Variants in APTX observed in about 807,000 individuals in gnomAD.
APTX encodes the protein forkhead-associated domain histidine triad-like protein.
APTX carries 33 observed loss-of-function variants against 42.3 expected under a neutral mutation model. The ratio of observed to expected loss-of-function variants is 0.78; its 90% confidence interval spans 0.59 to 1.04. The LOEUF (loss-of-function observed/expected upper bound fraction) is 1.04. APTX is among the 50% of genes least tolerant of loss of function. APTX has a pLI of 0.00. For missense variants in APTX, 421 were observed against 415.1 expected, an observed-to-expected ratio of 1.01 and a Z score of -0.12; for synonymous variants, 130 against 146.7, an observed-to-expected ratio of 0.89 and a Z score of 0.82.
At chr9:32,981,186 G>T (rs145795830) in intron 6 of APTX, among the ~76,000 whole-genome samples, 1 of 152,148 alleles carries the variant, frequency 6.6e-6, no homozygotes. Flanking sequence ...TCTCACAGGG[G>T]TATGGGTTAG....
At chr9:33,011,633 G>A (rs1837551197) in intron 1 of APTX, among the ~76,000 whole-genome samples, 1 of 152,146 alleles carries the variant, frequency 6.6e-6, no homozygotes, top group Non-Finnish European at 1.5e-5. Context: ...TATGGCACCA[G>A]AATCTTAAAG....
At chr9:33,017,109 A>C (rs1171273802) in intron 1 of APTX, among the ~76,000 whole-genome samples, 1 of 152,228 alleles carries the variant, frequency 6.6e-6, no homozygotes, top group Non-Finnish European at 1.5e-5. Flanking sequence ...TTCTCTGCAG[A>C]TACCAACTGG....
rs1397608448 is a variant in APTX at position 33,001,568 on chromosome 9, T to G, written c.-6A>C. On this transcript the variant is annotated splice_region_variant and 5_prime_UTR_variant, in exon 1 of 8. Coordinates refer to ENST00000379817, the MANE Select transcript of APTX (RefSeq NM_001195248.2). ...GAGATAGGCTGACGACCGCCTTACC[T>G]CCAGAAGTCGGAGACGGACAAATTC... 1.9e-6 allele frequency: 3 copies of G among 1,613,724 alleles called. No homozygotes were observed. Among genetic ancestry groups the G allele is most frequent in the Non-Finnish European group, 2.5e-6 (3 of 1,180,014 alleles).
intron 6 of APTX, among the ~76,000 whole-genome samples, chr9:32,977,198 A>G (rs1369603891): frequency 6.6e-6 from 1 of 152,236 alleles, no homozygotes; most frequent in Non-Finnish European, 1.5e-5. Context: ...ATCAATTTAT[A>G]AAAATGACCC....
intron 1 of APTX, among the ~76,000 whole-genome samples, chr9:33,017,278 T>G (rs1336912525): frequency 6.6e-6 from 1 of 152,166 alleles, no homozygotes; most frequent in Non-Finnish European, 1.5e-5. Context: ...TGAATCGGGG[T>G]GTCTTCATCT....
chr9:33,014,769 A>G (rs1489138026), intron 1 of APTX, among the ~76,000 whole-genome samples: 1 of 152,224 alleles, frequency 6.6e-6, no homozygotes, highest in Non-Finnish European at 1.5e-5. Context: ...GTAGCTCAGC[A>G]AATTGCCCTT....
intron 2 of APTX, among the ~76,000 whole-genome samples, chr9:32,988,684 AG>A (rs1193052109): frequency 0.015 from 196 of 13,180 alleles, 4 homozygotes; most frequent in Non-Finnish European, 0.038. Context: ...CTATCTCAGG[AG>A]GAAAAAAAAA....
chr9:33,007,694 G>A lies in APTX; in HGVS notation c.-5+17329C>T, dbSNP rs562441275. Among the ~76,000 whole-genome samples, 5 of 151,988 alleles carry A rather than the reference G, an allele frequency of 3.3e-5. No individual in the cohort carries two copies. In the East Asian group the frequency reaches 9.6e-4, roughly 29 times the overall value. On this transcript the variant is annotated intron_variant, in intron 1 of 6. Coordinates refer to the APTX transcript ENST00000436040. ...AAAAACTTCTTACTGCAAGAACTGCGACATTGCCTTCTCTGACCATATACA... is the reference window on the plus strand; with the variant it reads ...AAAAACTTCTTACTGCAAGAACTGCAACATTGCCTTCTCTGACCATATACA...
intron 6 of APTX, among the ~76,000 whole-genome samples, chr9:32,976,113 T>C (rs1829331356): frequency 6.6e-6 from 1 of 150,754 alleles, no homozygotes; most frequent in Non-Finnish European, 1.5e-5. Flanking sequence ...CTACTTGCTA[T>C]AAACTATCAC....
chr9:32,974,518 A>G lies in APTX; in HGVS notation c.814T>C (p.Cys272Arg), dbSNP rs144893610. The change falls in exon 7 of 8, where the codon TGC becomes CGC. Residue 272 changes from cysteine to arginine, a missense_variant. Transcript: ENST00000379817. ...HVISQDFDSP[C>R]LKNKKHWNSF... ...TTCCAATGTTTTTTGTTTTTAAGGC[A>G]AGGAGAATCAAAATCCTGGCTGATC... The G allele has an allele frequency of 1.1e-5, 18 of 1,612,436 alleles. No homozygotes were observed. Among genetic ancestry groups the G allele is most frequent in the Non-Finnish European group, 1.4e-5 (17 of 1,179,518 alleles).
intron 1 of APTX, among the ~76,000 whole-genome samples, chr9:32,996,034 A>T (rs1471819833): frequency 6.6e-6 from 1 of 152,146 alleles, no homozygotes; most frequent in African/African-American, 2.4e-5. Context: ...GGTGACTATT[A>T]GCAATTTTTA....
chr9:33,004,987 G>A (rs1837035393), upstream of APTX, among the ~76,000 whole-genome samples: 1 of 151,964 alleles, frequency 6.6e-6, no homozygotes, highest in South Asian at 2.1e-4. Context: ...GTGTGAAATG[G>A]TATCTCATTG....
chr9:33,013,736 G>A (rs1272306557), intron 1 of APTX, among the ~76,000 whole-genome samples: 4 of 152,168 alleles, frequency 2.6e-5, no homozygotes, highest in African/African-American at 4.8e-5. Context: ...CCCGGGAGGC[G>A]GAGCTTGCAG....
chr9:32,985,092 G>C (rs1048096663), intron 5 of APTX, among the ~76,000 whole-genome samples: 2 of 152,188 alleles, frequency 1.3e-5, no homozygotes, highest in South Asian at 4.1e-4. Flanking sequence ...TCCAGAGTCT[G>C]TTTTCAACCA....
At chr9:32,979,150 A>G (rs1184933110) in intron 6 of APTX, among the ~76,000 whole-genome samples, 1 of 152,084 alleles carries the variant, frequency 6.6e-6, no homozygotes, top group African/African-American at 2.4e-5. Flanking sequence ...GGTAATAAGC[A>G]TAGTACCCCA....
At position 32,987,657 on chromosome 9, in the gene APTX, T is replaced by C. The variant is rs143309173; in HGVS notation, c.370A>G (p.Ile124Val). The C allele has an allele frequency of 1.1e-5, 17 of 1,614,096 alleles. No individual in the cohort carries two copies. Among genetic ancestry groups the C allele is most frequent in the African/African-American group, 4.0e-5 (3 of 74,934 alleles). Reference protein sequence around the residue: ...KRKRSGNSDSIERDAAQEAEA... With the variant: ...KRKRSGNSDSVERDAAQEAEA... ...GCTTCCTGAGCAGCATCCCTTTCTA[T>C]AGAATCACTGTTGCCTGATCTCTTT... Residue 124 changes from isoleucine to valine, a missense_variant, in exon 4 of 8, where the codon ATA (isoleucine) becomes GTA (valine). By Grantham distance (29) the Ile-to-Val change is conservative (BLOSUM62 3). Coordinates refer to ENST00000379817, the MANE Select transcript of APTX (RefSeq NM_001195248.2).
chr9:32,975,892 G>A (rs1829261352), intron 6 of APTX, among the ~76,000 whole-genome samples: 1 of 152,160 alleles, frequency 6.6e-6, no homozygotes, highest in South Asian at 2.1e-4. Flanking sequence ...GCAAAGCAGA[G>A]TGCAAAGCAT....
chr9:32,980,786 T>C (rs1233290324), intron 6 of APTX, among the ~76,000 whole-genome samples: 1 of 152,068 alleles, frequency 6.6e-6, no homozygotes, highest in Admixed American at 6.6e-5. Flanking sequence ...TTTGGGAGAG[T>C]GTTACTTACT....
intron 1 of APTX, among the ~76,000 whole-genome samples, chr9:33,010,055 T>C (rs1468872938): frequency 6.6e-6 from 1 of 152,160 alleles, no homozygotes; most frequent in African/African-American, 2.4e-5. Context: ...CTTAGAAAAC[T>C]TCTCTGGCTA....
Sources: allele counts gnomAD v4.1 joint callset (sites outside exome capture counted in the v4.1 genomes callset), GRCh38; gene constraint gnomAD v4.1.1; transcripts MANE v1.5; gene names NCBI Gene and HGNC (gene_info 2026-07-23, HGNC 2026-07-21).